The following NALF1 variants were observed in gnomAD, a reference collection of about 807,000 sequenced individuals.
NALF1 encodes the protein NALCN channel auxiliary factor 1, also known as family with sequence similarity 155 member A.
NALF1 carries 3 observed loss-of-function variants against 48.4 expected under a neutral mutation model. The observed-to-expected ratio is 0.06, with a 90% CI of 0.03 to 0.16. The LOEUF is 0.16. Ranked by LOEUF, NALF1 falls within the 10% of genes least tolerant of loss-of-function variation. NALF1 has a pLI of 1.00. For synonymous variants in NALF1, 262 were observed against 245.7 expected, an observed-to-expected ratio of 1.07 and a Z score of -0.62; for missense variants, 526 against 571.5, an observed-to-expected ratio of 0.92 and a Z score of 0.81.
At chr13:107,175,777 C>T (rs1355521196) in intron 2 of NALF1, among the ~76,000 whole-genome samples, 2 of 152,170 alleles carry the variant, frequency 1.3e-5, no homozygotes, top group African/African-American at 2.4e-5. Context: ...GGCAGTGCTA[C>T]CTACAGATGG....
chr13:107,836,685 T>A (rs77425289), intron 1 of NALF1, among the ~76,000 whole-genome samples: 1,631 of 152,340 alleles, frequency 0.011, 29 homozygotes, highest in African/African-American at 0.034. Context: ...TTTTTCTAGC[T>A]ATGAAAGTCC....
intron 1 of NALF1, among the ~76,000 whole-genome samples, chr13:107,511,687 A>C (rs11842067): frequency 0.036 from 5,456 of 152,260 alleles, 180 homozygotes; most frequent in African/African-American, 0.083. Flanking sequence ...GGTCTGATGC[A>C]GCTACTAGAT....
chr13:107,525,763 T>C (rs1876413065), intron 1 of NALF1, among the ~76,000 whole-genome samples: 1 of 152,158 alleles, frequency 6.6e-6, no homozygotes. Flanking sequence ...AGAGATCTAA[T>C]GCTCTGCACA....
chr13:107,726,862 C>T (rs1470468535), intron 1 of NALF1, among the ~76,000 whole-genome samples: 2 of 151,026 alleles, frequency 1.3e-5, no homozygotes, highest in East Asian at 2.0e-4. Flanking sequence ...CCTTGGCCTC[C>T]CAAAGTGCTG....
chr13:107,661,359 A>G (rs1238253620), intron 1 of NALF1, among the ~76,000 whole-genome samples: 1 of 152,204 alleles, frequency 6.6e-6, no homozygotes, highest in Non-Finnish European at 1.5e-5. Context: ...TATAAAGCAT[A>G]TGCCTTATTG....
chr13:107,680,421 TGTGA>T lies in NALF1; in HGVS notation c.915+185257_915+185260del, dbSNP rs57583160. ...TCATACGTGTATGAGTGTGTGTGCGTGTGAGTGTGAACATGTGAGTGTGAGAACT... is the reference window on the plus strand; with the variant it reads ...TCATACGTGTATGAGTGTGTGTGCGTGTGTGAACATGTGAGTGTGAGAACT... On this transcript the variant is annotated intron_variant, in intron 1 of 2. Transcript: ENST00000375915. Among the ~76,000 whole-genome samples, 923 of 152,138 alleles carry T rather than the reference TGTGA, an allele frequency of 6.1e-3. 7 individuals carry two copies. Among genetic ancestry groups the T allele is most frequent in the African/African-American group, 0.02 (846 of 41,510 alleles).
At chr13:107,459,773 CTG>C (rs1411165304) in intron 1 of NALF1, among the ~76,000 whole-genome samples, 1 of 152,130 alleles carries the variant, frequency 6.6e-6, no homozygotes, top group Non-Finnish European at 1.5e-5. Context: ...CAGGGTCTCT[CTG>C]TGTCTCCCAG....
chr13:107,833,898 G>A (rs1378177857), intron 1 of NALF1, among the ~76,000 whole-genome samples: 1 of 151,582 alleles, frequency 6.6e-6, no homozygotes, highest in Non-Finnish European at 1.5e-5. Context: ...TTTTAATAAT[G>A]CCATTCACTA....
chr13:107,855,987 A>C (rs1056875197), intron 1 of NALF1, among the ~76,000 whole-genome samples: 2 of 144,366 alleles, frequency 1.4e-5, no homozygotes, highest in Non-Finnish European at 3.0e-5. Context: ...TGCTCATTGG[A>C]GCCTCAAACT....
intron 1 of NALF1, among the ~76,000 whole-genome samples, chr13:107,623,407 C>G (rs994646561): frequency 4.1e-5 from 6 of 147,144 alleles, no homozygotes; most frequent in African/African-American, 1.5e-4. Context: ...CTAGAAAAAA[C>G]AAATCATTTC....
At chr13:107,238,517 G>C (rs1194413750) in intron 1 of NALF1, among the ~76,000 whole-genome samples, 1 of 152,154 alleles carries the variant, frequency 6.6e-6, no homozygotes, top group Admixed American at 6.5e-5. Context: ...GTGTGACAAA[G>C]ACAGTACCCA....
chr13:107,792,042 A>T (rs1878259142), intron 1 of NALF1, among the ~76,000 whole-genome samples: 1 of 152,220 alleles, frequency 6.6e-6, no homozygotes, highest in Non-Finnish European at 1.5e-5. Context: ...TTAATTTTTT[A>T]TCAATATGCA....
chr13:107,755,721 A>G (rs952767674), intron 1 of NALF1, among the ~76,000 whole-genome samples: 2 of 152,076 alleles, frequency 1.3e-5, no homozygotes, highest in African/African-American at 4.8e-5. Context: ...ACATATGTAC[A>G]TACATGCAGA....
At position 107,731,589 on chromosome 13, in the gene NALF1, G is replaced by T. The variant is rs7987585; in HGVS notation, c.915+134093C>A. 9.7e-3 allele frequency among the ~76,000 whole-genome samples: 1,483 copies of T among 152,118 alleles called. 28 individuals carry two copies. The highest frequency in any genetic ancestry group is 0.034 in the African/African-American group (1,419 of 41,490). The stretch of plus-strand genomic sequence containing the variant: ...CTCAAGTAGGTCCCACTGTGTGTTA[G>T]TCCCCTCTATGTGTCCATGTGTTCT... On this transcript the variant is annotated intron_variant, in intron 1 of 2. Transcript: ENST00000375915.
At chr13:107,834,633 T>A (rs1879837428) in intron 1 of NALF1, among the ~76,000 whole-genome samples, 1 of 152,206 alleles carries the variant, frequency 6.6e-6, no homozygotes, top group African/African-American at 2.4e-5. Context: ...GAGAAAAATT[T>A]ACTGTGATTT....
intron 1 of NALF1, among the ~76,000 whole-genome samples, chr13:107,739,137 C>T (rs939238280): frequency 1.3e-5 from 2 of 151,834 alleles, no homozygotes; most frequent in African/African-American, 2.4e-5. Flanking sequence ...GGGAGGGAAA[C>T]ATCACACACC....
intron 2 of NALF1, among the ~76,000 whole-genome samples, chr13:107,172,467 T>C (rs182303390): frequency 6.6e-6 from 1 of 152,184 alleles, no homozygotes; most frequent in South Asian, 2.1e-4. Flanking sequence ...TCAAATAATA[T>C]ACACTTCAAT....
intron 1 of NALF1, among the ~76,000 whole-genome samples, chr13:107,382,670 T>C (rs1238648048): frequency 6.6e-6 from 1 of 152,182 alleles, no homozygotes; most frequent in Non-Finnish European, 1.5e-5. Context: ...TCCTCCAATC[T>C]GGGACACTCC....
At chr13:107,481,017 C>T (rs911672776) in intron 1 of NALF1, among the ~76,000 whole-genome samples, 1 of 151,868 alleles carries the variant, frequency 6.6e-6, no homozygotes, top group Non-Finnish European at 1.5e-5. Context: ...ACTGAAATAA[C>T]CCAGGACTTT....
Sources: gnomAD v4.1 joint callset for allele counts (sites outside exome capture counted in the v4.1 genomes callset) on GRCh38, gnomAD v4.1.1 for gene constraint, MANE v1.5 for transcripts, NCBI Gene and HGNC (gene_info 2026-07-23, HGNC 2026-07-21) for gene names.